The following PPM1B variants were observed in gnomAD, a reference collection of about 807,000 sequenced individuals.
PPM1B encodes the protein protein phosphatase, Mg2+/Mn2+ dependent 1B.
A neutral mutation model predicts 43.0 loss-of-function variants in PPM1B; 22 were observed. That is an observed-to-expected ratio of 0.51 (90% CI 0.37 to 0.73). The LOEUF (loss-of-function observed/expected upper bound fraction) is 0.73, where lower values mean the gene tolerates loss of function less well. PPM1B is among the 30% of genes least tolerant of loss of function. The probability of loss-of-function intolerance (pLI) is 0.00; values close to 1 mark genes in which losing one functional copy is unlikely to be tolerated. For synonymous variants in PPM1B, 217 were observed against 197.9 expected, an observed-to-expected ratio of 1.10 and a Z score of -0.81; for missense variants, 632 against 584.2, an observed-to-expected ratio of 1.08 and a Z score of -0.84.
intron 5 of PPM1B, among the ~76,000 whole-genome samples, chr2:44,241,254 T>G (rs1411681986): frequency 7.0e-6 from 1 of 141,904 alleles, no homozygotes; most frequent in Non-Finnish European, 1.6e-5. Flanking sequence ...CCGCCCCCCT[T>G]GGCCTCCCAA....
At chr2:44,209,509 C>T (rs921462579) in intron 3 of PPM1B, 182 bp downstream of exon 3, 4 of 625,642 alleles carry the variant, frequency 6.4e-6, no homozygotes, top group Non-Finnish European at 5.1e-6. Flanking sequence ...TGGTCAGGCG[C>T]AGTGGCTCAC....
At chr2:44,230,103 A>G in intron 5 of PPM1B, 1 of 1,497,622 alleles carries the variant, frequency 6.7e-7, no homozygotes, top group Non-Finnish European at 8.9e-7. Context: ...TTGTTTAAGT[A>G]AGTCAGTTTT....
intron 3 of PPM1B, 126 bp from the exon 4 acceptor site, chr2:44,217,841 G>C (rs572304467): frequency 1.4e-5 from 7 of 483,510 alleles, no homozygotes; most frequent in Non-Finnish European, 2.5e-5. Context: ...AATTTTTTGT[G>C]TGTTGATGGT....
intron 2 of PPM1B, among the ~76,000 whole-genome samples, chr2:44,202,370 C>G (rs1310683203): frequency 6.6e-6 from 1 of 152,068 alleles, no homozygotes; most frequent in Non-Finnish European, 1.5e-5. Context: ...TATGAAGCAG[C>G]TTGATAAAAT....
At chr2:44,236,402 C>CAAAAAAAAAAAAAAGAAAAAAAAAA (rs1670613377), downstream of PPM1B, among the ~76,000 whole-genome samples, 1 of 47,556 alleles carries the variant, frequency 2.1e-5, no homozygotes, top group Non-Finnish European at 4.1e-5. Flanking sequence ...GACTCCGTCT[C>CAAAAAAAAAAAAAAGAAAAAAAAAA]AAAAAAAAAA....
At chr2:44,193,531 C>G (rs985730758) in intron 1 of PPM1B, among the ~76,000 whole-genome samples, 4 of 150,794 alleles carry the variant, frequency 2.7e-5, no homozygotes, top group Admixed American at 1.3e-4. Flanking sequence ...GTAGCTAGGA[C>G]TACATGTGCT....
rs1668944331 is a variant in PPM1B at position 44,201,659 on chromosome 2, G to A, written c.460G>A (p.Ala154Thr). The change falls in exon 2 of 6, where the codon GCT (alanine) becomes ACT (threonine). Residue 154 changes from alanine to threonine, a missense_variant. Around this residue, in one of 3 missense-constraint regions of PPM1B, gnomAD observed 200 missense variants for 200.7 expected, o/e 1.00. Coordinates refer to ENST00000282412, the MANE Select transcript of PPM1B (RefSeq NM_002706.6). This position sits in a 1 kb window ranked among gnomAD's most constrained non-coding sequence, Gnocchi z 5.4. ...CTTTATCAACTGTGGTGATTCACGT[G>A]CTGTTCTGTATAGGAATGGACAAGT... ...IYFINCGDSRAVLYRNGQVCF... is the reference protein window; with the variant it reads ...IYFINCGDSRTVLYRNGQVCF... 3.7e-6 allele frequency: 6 copies of A among 1,614,068 alleles called. No individual in the cohort carries two copies. Among genetic ancestry groups the A allele is most frequent in the Non-Finnish European group, 4.2e-6 (5 of 1,180,046 alleles).
intron 2 of PPM1B, among the ~76,000 whole-genome samples, chr2:44,207,536 G>C (rs908317352): frequency 1.3e-5 from 2 of 151,738 alleles, no homozygotes; most frequent in African/African-American, 4.8e-5. Flanking sequence ...ATTTTTAATT[G>C]ATTGCACATA....
intron 1 of PPM1B, among the ~76,000 whole-genome samples, chr2:44,193,575 CTTTTTTTTTTTTTTT>C (rs575288322): frequency 4.3e-5 from 5 of 116,714 alleles, no homozygotes; most frequent in Non-Finnish European, 8.6e-5. Context: ...AATTTTTTTT[CTTTTTTTTTTTTTTT>C]TTTTTGAGAG....
chr2:44,209,065 A>C, intron 2 of PPM1B, 145 bp from the exon 3 acceptor site: 1 of 702,864 alleles, frequency 1.4e-6, no homozygotes, highest in East Asian at 3.0e-5. Flanking sequence ...TTGTGTTTTT[A>C]GTAATTCATT....
chr2:44,170,880 A>G (rs1188868934), intron 1 of PPM1B, among the ~76,000 whole-genome samples: 3 of 152,192 alleles, frequency 2.0e-5, no homozygotes, highest in Non-Finnish European at 4.4e-5. Context: ...TTAGAACAGA[A>G]TATTTTAGTC....
chr2:44,210,010 T>TAGTAGTA (rs1474289900), intron 3 of PPM1B, among the ~76,000 whole-genome samples: 1 of 152,148 alleles, frequency 6.6e-6, no homozygotes. Context: ...CGTACATTCC[T>TAGTAGTA]AGTAGTAAGT....
chr2:44,229,385 TCC>T (rs1670369435), intron 5 of PPM1B, among the ~76,000 whole-genome samples: 2 of 152,176 alleles, frequency 1.3e-5, no homozygotes, highest in Non-Finnish European at 2.9e-5. Context: ...TTATTTTGAA[TCC>T]CAGTCTAATC....
chr2:44,234,260 C>G (rs1247856035), downstream of PPM1B: 10 of 958,528 alleles, frequency 1.0e-5, no homozygotes, highest in Non-Finnish European at 1.2e-5. Context: ...TTGGCTCACA[C>G]CTGTAATCCC....
intron 1 of PPM1B, among the ~76,000 whole-genome samples, chr2:44,183,784 G>A (rs1311816245): frequency 2.0e-5 from 3 of 152,094 alleles, no homozygotes; most frequent in Non-Finnish European, 4.4e-5. Context: ...AGTCGCCCAG[G>A]CTGGAGTGCA....
intron 2 of PPM1B, among the ~76,000 whole-genome samples, chr2:44,205,557 A>G (rs1373242599): frequency 6.6e-6 from 1 of 152,174 alleles, no homozygotes; most frequent in African/African-American, 2.4e-5. Flanking sequence ...TTTGCTGTAT[A>G]TCTTTCCAAA....
chr2:44,230,172 T>G, intron 5 of PPM1B: 10 of 1,430,104 alleles, frequency 7.0e-6, no homozygotes, highest in Non-Finnish European at 9.1e-6. Flanking sequence ...GATTAAACTT[T>G]AAATGACTGT....
At position 44,199,328 on chromosome 2, in the gene PPM1B, A is replaced by T. The variant is rs949624931; in HGVS notation, c.-14-1858A>T. Among the ~76,000 whole-genome samples the T allele has an allele frequency of 5.2e-5, 7 of 135,676 alleles. 2 individuals are homozygous for T. Among genetic ancestry groups the T allele is most frequent in the Admixed American group, 1.4e-4 (2 of 13,964 alleles). The allele number at this position is 135,676 out of a possible 152,430, so 89.0% of individuals were successfully genotyped here. A position where few individuals can be genotyped will look rare whatever the true frequency, so the allele number is the denominator to read the frequency against. On this transcript the variant is annotated intron_variant, in intron 1 of 5. Transcript: ENST00000282412. ...CAAAAAAAAAAAAAATAAAAATAAAAAAAAAAAAAATTGAGCCAGGTATGG... is the reference window on the plus strand; with the variant it reads ...CAAAAAAAAAAAAAATAAAAATAAATAAAAAAAAAATTGAGCCAGGTATGG...
downstream of PPM1B, chr2:44,232,397 T>G: frequency 6.3e-7 from 1 of 1,595,528 alleles, no homozygotes; most frequent in South Asian, 1.2e-5. Flanking sequence ...GGGAAAAAAC[T>G]TTTAATCACA....
Sources: allele counts gnomAD v4.1 joint callset (sites outside exome capture counted in the v4.1 genomes callset), GRCh38; gene constraint gnomAD v4.1.1; regional missense constraint gnomAD v4.1.1; non-coding constraint Gnocchi (gnomAD v3.1); transcripts MANE v1.5; gene names NCBI Gene and HGNC (gene_info 2026-07-23, HGNC 2026-07-21).